TEKT5: variants seen among roughly 807,000 people sequenced by gnomAD.
TEKT5 encodes the protein tektin-5.
TEKT5 carries 52 observed loss-of-function variants against 48.7 expected under a neutral mutation model. That is an observed-to-expected ratio of 1.07 (90% CI 0.86 to 1.35). The LOEUF is 1.35. Among genes scored for constraint, TEKT5 ranks in the 40% most tolerant of loss-of-function variants. The pLI, the probability that TEKT5 is intolerant of heterozygous loss-of-function variation, is 0.00. For missense variants in TEKT5, 831 were observed against 641.6 expected (o/e 1.30, Z -3.19); for synonymous variants, 318 against 267.6 (o/e 1.19, Z -1.84).
At chr16:10,665,504 G>A (rs1898442554) in intron 5 of TEKT5, among the ~76,000 whole-genome samples, 1 of 152,158 alleles carries the variant, frequency 6.6e-6, no homozygotes. Context: ...TCCATCTCCT[G>A]CATGGTCCCT....
intron 6 of TEKT5, among the ~76,000 whole-genome samples, chr16:10,635,282 G>A (rs191111452): frequency 1.6e-3 from 235 of 151,280 alleles, no homozygotes; most frequent in South Asian, 4.0e-3. Flanking sequence ...AGCACAGCAG[G>A]ATGGGTGGGA....
chr16:10,689,175 C>A, intron 3 of TEKT5, 78 bp downstream of exon 3: 3 of 1,255,584 alleles, frequency 2.4e-6, no homozygotes, highest in East Asian at 2.4e-5. Flanking sequence ...GTGGGCCCAT[C>A]TGGCTTGTCC....
chr16:10,657,949 A>T (rs1898291269), intron 5 of TEKT5, among the ~76,000 whole-genome samples: 1 of 152,006 alleles, frequency 6.6e-6, no homozygotes, highest in African/African-American at 2.4e-5. Context: ...ATTTACCACA[A>T]AGTTCACCCA....
intron 3 of TEKT5, among the ~76,000 whole-genome samples, chr16:10,682,814 G>A (rs901756889): frequency 2.0e-5 from 3 of 152,144 alleles, no homozygotes; most frequent in Admixed American, 6.5e-5. Context: ...AACAGATGGC[G>A]GGCCAGATTT....
intron 5 of TEKT5, among the ~76,000 whole-genome samples, chr16:10,659,695 C>T (rs1898329148): frequency 6.6e-6 from 1 of 152,162 alleles, no homozygotes; most frequent in Non-Finnish European, 1.5e-5. Flanking sequence ...AATAAGGCAA[C>T]CGCAGAGAAA....
intron 5 of TEKT5, among the ~76,000 whole-genome samples, chr16:10,670,653 C>T (rs921803309): frequency 6.6e-6 from 1 of 152,218 alleles, no homozygotes; most frequent in African/African-American, 2.4e-5. Context: ...ATTCACCAAC[C>T]AGAAGACAAA....
chr16:10,639,444 T>G (rs535212060), intron 5 of TEKT5, among the ~76,000 whole-genome samples: 3 of 152,192 alleles, frequency 2.0e-5, no homozygotes, highest in Non-Finnish European at 4.4e-5. Context: ...GGCCAAATCT[T>G]GGTATCACCA....
At chr16:10,663,942 G>C (rs949226785) in intron 5 of TEKT5, among the ~76,000 whole-genome samples, 1 of 152,222 alleles carries the variant, frequency 6.6e-6, no homozygotes, top group Non-Finnish European at 1.5e-5. Flanking sequence ...GCCAGCACAT[G>C]CATCAGCTGT....
intron 6 of TEKT5, among the ~76,000 whole-genome samples, chr16:10,628,163 T>C (rs1897782978): frequency 6.6e-6 from 1 of 151,980 alleles, no homozygotes; most frequent in Non-Finnish European, 1.5e-5. Flanking sequence ...GGTTATTCGG[T>C]TCAAGGTAGA....
intron 5 of TEKT5, among the ~76,000 whole-genome samples, chr16:10,647,129 A>C (rs1367195066): frequency 6.6e-6 from 1 of 152,014 alleles, no homozygotes; most frequent in Non-Finnish European, 1.5e-5. Context: ...TGAAGAGCCT[A>C]TTGCTGGGGT....
At chr16:10,666,411 C>G (rs1321246143) in intron 5 of TEKT5, among the ~76,000 whole-genome samples, 1 of 152,192 alleles carries the variant, frequency 6.6e-6, no homozygotes, top group East Asian at 1.9e-4. Context: ...CCCAAACATT[C>G]TTTGCTGTGG....
intron 5 of TEKT5, among the ~76,000 whole-genome samples, chr16:10,653,331 T>G (rs1279303478): frequency 2.0e-5 from 3 of 152,194 alleles, no homozygotes; most frequent in Non-Finnish European, 4.4e-5. Flanking sequence ...CCAAACTCTG[T>G]GCTTTGCATA....
chr16:10,689,486 G>A (rs1165514306), intron 2 of TEKT5, among the ~76,000 whole-genome samples, 163 bp from the exon 3 acceptor site: 7 of 149,190 alleles, frequency 4.7e-5, no homozygotes. Context: ...TGACCCCAGG[G>A]CCAGGCAGCT....
chr16:10,678,850 A>C (rs2142304732), intron 4 of TEKT5, among the ~76,000 whole-genome samples: 1 of 152,348 alleles, frequency 6.6e-6, no homozygotes, highest in Non-Finnish European at 1.5e-5. Flanking sequence ...AATTTGCCAA[A>C]GACAGTCTGC....
intron 5 of TEKT5, among the ~76,000 whole-genome samples, chr16:10,667,827 C>A (rs1596411962): frequency 6.6e-6 from 1 of 152,142 alleles, no homozygotes; most frequent in African/African-American, 2.4e-5. Flanking sequence ...CTATTGTTTT[C>A]CACCAATAGA....
At chr16:10,628,750 C>T (rs149603179) in intron 6 of TEKT5, among the ~76,000 whole-genome samples, 1 of 151,972 alleles carries the variant, frequency 6.6e-6, no homozygotes, top group Non-Finnish European at 1.5e-5. Context: ...ACTGAAAATA[C>T]AAAAAGTTAG....
intron 5 of TEKT5, among the ~76,000 whole-genome samples, chr16:10,653,803 T>C (rs983914678): frequency 2.1e-4 from 32 of 152,104 alleles, no homozygotes; most frequent in African/African-American, 7.7e-4. Context: ...ATCTCAGCTA[T>C]TTGGGAGGCT....
intron 5 of TEKT5, among the ~76,000 whole-genome samples, chr16:10,637,521 CAAGA>C (rs1450421599): frequency 9.2e-5 from 14 of 152,058 alleles, no homozygotes; most frequent in African/African-American, 2.9e-4. Context: ...TTTTATCTGT[CAAGA>C]TATTTTTCCC....
chr16:10,651,751 G>T (rs1400312060), intron 5 of TEKT5, among the ~76,000 whole-genome samples: 2 of 152,166 alleles, frequency 1.3e-5, no homozygotes, highest in Non-Finnish European at 2.9e-5. Flanking sequence ...CCTGAGATCA[G>T]GGGTTCGAGA....
Sources: gnomAD v4.1 joint callset for allele counts (sites outside exome capture counted in the v4.1 genomes callset) on GRCh38, gnomAD v4.1.1 for gene constraint, MANE v1.5 for transcripts, NCBI Gene and HGNC (gene_info 2026-07-23, HGNC 2026-07-21) for gene names.